UGT1A5: variants seen among roughly 807,000 people sequenced by gnomAD.
The protein encoded by UGT1A5 is UDP-glucuronosyltransferase 1A5.
In UGT1A5, 29 loss-of-function variants were observed where a neutral mutation model predicts 40.3. The observed-to-expected ratio is 0.72, with a 90% CI of 0.54 to 0.98. The LOEUF (loss-of-function observed/expected upper bound fraction) is 0.98, where lower values mean the gene tolerates loss of function less well. Ranked by LOEUF, UGT1A5 falls within the 50% of genes least tolerant of loss-of-function variation. UGT1A5 has a pLI of 0.00. For synonymous variants in UGT1A5, 257 were observed against 262.5 expected (o/e 0.98, Z 0.20); for missense variants, 678 against 677.9 (o/e 1.00, Z 0.00).
At chr2:233,772,143 C>T in intron 4 of UGT1A5, 119 bp from the exon 5 acceptor site, 2 of 1,550,602 alleles carry the variant, frequency 1.3e-6, no homozygotes, top group Non-Finnish European at 1.7e-6. Flanking sequence ...ATAATAGAAA[C>T]AGGTTTCCTT....
chr2:233,737,724 T>C (rs2078915957), intron 1 of UGT1A5, among the ~76,000 whole-genome samples: 1 of 152,142 alleles, frequency 6.6e-6, no homozygotes, highest in South Asian at 2.1e-4. Flanking sequence ...ACACCTCCTT[T>C]TTTTTTCCTT....
intron 1 of UGT1A5, chr2:233,743,937 C>G (rs1692597235): frequency 7.4e-7 from 1 of 1,355,896 alleles, no homozygotes; most frequent in Non-Finnish European, 9.9e-7. Context: ...CAGAACGGCC[C>G]ACCAGGCACT....
chr2:233,745,665 C>T (rs932654407), intron 1 of UGT1A5, among the ~76,000 whole-genome samples: 2 of 150,144 alleles, frequency 1.3e-5, no homozygotes, highest in South Asian at 4.2e-4. Context: ...GTGAACAAAG[C>T]AATTTGGGAA....
At chr2:233,744,534 G>A (rs1692839516) in intron 1 of UGT1A5, among the ~76,000 whole-genome samples, 1 of 151,902 alleles carries the variant, frequency 6.6e-6, no homozygotes. Context: ...TTATTTTTAT[G>A]TAAATTTTAT....
rs1003147991 is a variant in UGT1A5 at position 233,772,600 on chromosome 2, T to C, written c.*41T>C. 1 of 1,591,692 alleles carries C rather than the reference T, an allele frequency of 6.3e-7. No homozygotes were observed. The highest frequency in any genetic ancestry group is 8.6e-7 in the Non-Finnish European group (1 of 1,168,178). ...TAAGGTAAAATTTTGAACCATTCCC[T>C]AGTCATTTCCAAACTTGAAAACAGA... On this transcript the variant is annotated 3_prime_UTR_variant, in exon 5 of 5. Coordinates refer to ENST00000373414, the MANE Select transcript of UGT1A5 (RefSeq NM_019078.2).
At chr2:233,736,896 C>T (rs1212789655) in intron 1 of UGT1A5, among the ~76,000 whole-genome samples, 1 of 152,186 alleles carries the variant, frequency 6.6e-6, no homozygotes, top group Non-Finnish European at 1.5e-5. Context: ...GCTGCCTGAT[C>T]CTTCCTCTGG....
chr2:233,729,476 T>G lies in UGT1A5; in HGVS notation c.867+15618T>G, dbSNP rs780193627. On this transcript the variant is annotated intron_variant, in intron 1 of 4. Coordinates refer to ENST00000373414, the MANE Select transcript of UGT1A5 (RefSeq NM_019078.2). Reference sequence around the variant, plus strand: ...AAATTTTTCAGAAGTATGGCAATGTTGAACAATATGTCTTTGGTCTATCAT... The same window carrying G: ...AAATTTTTCAGAAGTATGGCAATGTGGAACAATATGTCTTTGGTCTATCAT... 12 of 1,614,098 alleles carry G rather than the reference T, an allele frequency of 7.4e-6. No individual in the cohort carries two copies. In the African/African-American group the frequency reaches 1.6e-4, roughly 22 times the overall value.
chr2:233,726,899 A>G (rs1208700222), intron 1 of UGT1A5, among the ~76,000 whole-genome samples: 1 of 152,092 alleles, frequency 6.6e-6, no homozygotes, highest in Non-Finnish European at 1.5e-5. Context: ...CTTACCATTC[A>G]ATTATCTCCT....
chr2:233,719,979 C>T (rs2076818736), intron 1 of UGT1A5, among the ~76,000 whole-genome samples: 1 of 152,162 alleles, frequency 6.6e-6, no homozygotes, highest in Non-Finnish European at 1.5e-5. Flanking sequence ...TTCAGCTCGG[C>T]AGGATCAGGG....
rs1559415650 is a variant in UGT1A5, at chr2:233,768,355, A to G, written c.1223A>G (p.Lys408Arg). ...GACAATGCAAAGCGCATGGAGACTA[A>G]GGGAGCTGGAGTGACCCTGAATGTT... is the stretch of plus-strand genomic sequence containing the variant. The part of the protein sequence containing the change: ...QMDNAKRMET[K>R]GAGVTLNVLE... The change falls in exon 4 of 5, where the codon AAG becomes AGG. Residue 408 changes from lysine to arginine, a missense_variant. Coordinates refer to ENST00000373414, the MANE Select transcript of UGT1A5 (RefSeq NM_019078.2). The G allele has an allele frequency of 6.2e-7, 1 of 1,614,200 alleles. No individual in the cohort carries two copies. The highest frequency in any genetic ancestry group is 1.1e-5 in the South Asian group (1 of 91,084).
intron 1 of UGT1A5, chr2:233,721,850 A>G: frequency 1.9e-6 from 1 of 514,452 alleles, no homozygotes; most frequent in Non-Finnish European, 3.9e-6. Context: ...GTCCAGCCCC[A>G]CTGCTCGGCC....
At chr2:233,766,444 G>A (rs1260169711) in intron 1 of UGT1A5, among the ~76,000 whole-genome samples, 1 of 152,210 alleles carries the variant, frequency 6.6e-6, no homozygotes, top group African/African-American at 2.4e-5. Context: ...CTGTGTGTCT[G>A]CCTGCTAGGG....
rs574223666 is a variant in UGT1A5, at chr2:233,734,984, T to C, written c.867+21126T>C. ...GTGATGTGGTGCTGAGAAGAATGTA[T>C]ATTCTCTTGACTTAGGGTGGAGAGT... On this transcript the variant is annotated intron_variant, in intron 1 of 4. Transcript: ENST00000373414. Among the ~76,000 whole-genome samples, 9 of 152,370 alleles carry C rather than the reference T, an allele frequency of 5.9e-5. No homozygotes were observed. In the East Asian group the frequency reaches 1.5e-3, roughly 26 times the overall value.
At chr2:233,722,752 T>C (rs982640918) in intron 1 of UGT1A5, among the ~76,000 whole-genome samples, 1 of 152,282 alleles carries the variant, frequency 6.6e-6, no homozygotes, top group Admixed American at 6.5e-5. Flanking sequence ...TGACTGTCTA[T>C]AAGGCTGTTA....
intron 1 of UGT1A5, among the ~76,000 whole-genome samples, chr2:233,747,024 C>T (rs773156337): frequency 2.0e-5 from 3 of 151,838 alleles, no homozygotes; most frequent in South Asian, 2.1e-4. Flanking sequence ...CGGTCTTTCC[C>T]GAAGTGGGAC....
At position 233,743,636 on chromosome 2, in the gene UGT1A5, C is replaced by T. The variant is rs764566878; in HGVS notation, c.868-23398C>T. 27 of 1,367,194 alleles carry T rather than the reference C, an allele frequency of 2.0e-5. 2 individuals are homozygous for T. The African/African-American group carries it at 2.2e-4, about 11-fold the overall frequency. The allele number at this position is 1,367,194 out of a possible 1,614,324, so 84.7% of individuals were successfully genotyped here. A position where few individuals can be genotyped will look rare whatever the true frequency, so the allele number is the denominator to read the frequency against. On this transcript the variant is annotated intron_variant, in intron 1 of 4. Transcript: ENST00000373414. Reference sequence around the variant, plus strand: ...CTCCCTGAAGACGTCGGCTGGGTCGCGGAAGCTGAAGACGTACTCGAAGGG... The same window carrying T: ...CTCCCTGAAGACGTCGGCTGGGTCGTGGAAGCTGAAGACGTACTCGAAGGG...
intron 1 of UGT1A5, among the ~76,000 whole-genome samples, chr2:233,762,100 T>C (rs1697968145): frequency 6.6e-6 from 1 of 152,226 alleles, no homozygotes; most frequent in Non-Finnish European, 1.5e-5. Flanking sequence ...TAGTTGTTGA[T>C]TGTCCGCTTC....
At chr2:233,723,283 C>G (rs2077074487) in intron 1 of UGT1A5, among the ~76,000 whole-genome samples, 1 of 114,006 alleles carries the variant, frequency 8.8e-6, no homozygotes, top group Non-Finnish European at 1.7e-5. Context: ...GATGTTGGCT[C>G]ACTGCAACCT....
At chr2:233,729,203 C>T in intron 1 of UGT1A5, 1 of 1,614,022 alleles carries the variant, frequency 6.2e-7, no homozygotes, top group Non-Finnish European at 8.5e-7. Flanking sequence ...CAGCCCTGGG[C>T]TGAGAGTGGA....
Sources: gnomAD v4.1 joint callset for allele counts (sites outside exome capture counted in the v4.1 genomes callset) on GRCh38, gnomAD v4.1.1 for gene constraint, MANE v1.5 for transcripts, NCBI Gene and HGNC (gene_info 2026-07-23, HGNC 2026-07-21) for gene names.